The following MGARP variants were observed in gnomAD, a reference collection of about 807,000 sequenced individuals.
MGARP encodes the protein protein MGARP.
In MGARP, 12 loss-of-function variants were observed where a neutral mutation model predicts 11.0. The observed-to-expected ratio is 1.09, with a 90% confidence interval of 0.70 to 1.77. MGARP has a LOEUF of 1.77. MGARP is among the 40% of genes most tolerant of loss of function. MGARP has a pLI of 0.00. For missense variants in MGARP, 283 were observed against 297.8 expected, an observed-to-expected ratio of 0.95 and a Z score of 0.36; for synonymous variants, 110 against 115.4, an observed-to-expected ratio of 0.95 and a Z score of 0.30.
chr4:139,268,686 A>C lies in MGARP; in HGVS notation c.266T>G (p.Ile89Arg). ...TNLKEKTKAE[I>R]HPFQGEKENV... is the part of the protein sequence containing the mutation. ...AATTCATTTACCTTGAAATGGATGT[A>C]TCTCTGCTTTTGTTTTTTCTTTCAA... Residue 89 changes from isoleucine to arginine, a missense_variant, in exon 3 of 4, where the codon ATA becomes AGA. Transcript: ENST00000398955. 6.9e-6 allele frequency: 11 copies of C among 1,604,602 alleles called. No homozygotes were observed. The highest frequency in any genetic ancestry group is 1.3e-5 in the African/African-American group (1 of 74,798).
intron 2 of MGARP, among the ~76,000 whole-genome samples, chr4:139,274,483 T>A (rs1414184604): frequency 6.6e-6 from 1 of 152,012 alleles, no homozygotes; most frequent in African/African-American, 2.4e-5. Flanking sequence ...GTTATATTAA[T>A]TTTTTTAAAT....
intron 1 of MGARP, among the ~76,000 whole-genome samples, chr4:139,275,891 A>G (rs1408092001): frequency 6.6e-6 from 1 of 152,236 alleles, no homozygotes; most frequent in African/African-American, 2.4e-5. Context: ...ACATGTAGGT[A>G]TAGAAAGAAA....
chr4:139,272,951 A>C (rs954721359), intron 2 of MGARP, among the ~76,000 whole-genome samples: 5 of 152,184 alleles, frequency 3.3e-5, no homozygotes, highest in Admixed American at 2.6e-4. Context: ...CTCCCAAAGT[A>C]CTGGGTTTAC....
intron 1 of MGARP, 105 bp from the exon 2 acceptor site, chr4:139,275,497 T>C (rs1334600909): frequency 1.3e-6 from 1 of 797,966 alleles, no homozygotes; most frequent in Non-Finnish European, 2.0e-6. Flanking sequence ...CTAGAATCTA[T>C]TAACATCAAG....
intron 1 of MGARP, 103 bp from the exon 2 acceptor site, chr4:139,275,495 T>C: frequency 1.2e-6 from 1 of 806,904 alleles, no homozygotes; most frequent in East Asian, 2.7e-5. Flanking sequence ...ACCTAGAATC[T>C]ATTAACATCA....
chr4:139,278,758 G>GTA (rs559744048), intron 1 of MGARP, among the ~76,000 whole-genome samples: 16 of 151,932 alleles, frequency 1.1e-4, no homozygotes, highest in East Asian at 5.8e-4. Flanking sequence ...CTTCATCAGT[G>GTA]TATATATATA....
At chr4:139,272,646 C>G (rs988031739) in intron 2 of MGARP, among the ~76,000 whole-genome samples, 6 of 148,280 alleles carry the variant, frequency 4.0e-5, no homozygotes, top group Admixed American at 6.7e-5. Context: ...TCCTATGAAA[C>G]TGCTTCTAGT....
intron 1 of MGARP, 38 bp downstream of exon 1, chr4:139,280,039 C>G: frequency 1.2e-6 from 2 of 1,603,360 alleles, no homozygotes; most frequent in Non-Finnish European, 1.7e-6. Context: ...GCACCCGAGG[C>G]GCCCGTCCTC....
Position 139,266,649 on chromosome 4 carries a change from AATC to A in MGARP, c.670_672del (p.Asp224del). On this transcript the variant is annotated inframe_deletion, in exon 4 of 4. Transcript: ENST00000398955. The stretch of plus-strand genomic sequence containing the variant: ...GAGCCAACACTGGCTTCCTCCTGTA[AATC>A]ATCTCCAGCAGAGGACTCTGACTCA... 3.1e-6 allele frequency: 5 copies of A among 1,614,146 alleles called. No individual in the cohort carries two copies. Among genetic ancestry groups the A allele is most frequent in the Non-Finnish European group, 1.7e-6 (2 of 1,180,030 alleles).
intron 1 of MGARP, among the ~76,000 whole-genome samples, chr4:139,278,962 G>C (rs1000293754): frequency 2.0e-5 from 3 of 151,796 alleles, no homozygotes; most frequent in Admixed American, 2.0e-4. Flanking sequence ...CCTAATCAAC[G>C]TGAAAAAAAA....
chr4:139,277,912 A>G (rs551577273), intron 1 of MGARP, among the ~76,000 whole-genome samples: 2 of 152,262 alleles, frequency 1.3e-5, no homozygotes, highest in Admixed American at 1.3e-4. Flanking sequence ...TTATAAATCT[A>G]AATTATTTAT....
At chr4:139,276,372 A>G (rs1018957329) in intron 1 of MGARP, among the ~76,000 whole-genome samples, 1 of 152,222 alleles carries the variant, frequency 6.6e-6, no homozygotes, top group Non-Finnish European at 1.5e-5. Flanking sequence ...GTGTTAAGCC[A>G]AGCTACAGGC....
At chr4:139,276,760 G>A (rs1744881030) in intron 1 of MGARP, among the ~76,000 whole-genome samples, 1 of 152,096 alleles carries the variant, frequency 6.6e-6, no homozygotes, top group Non-Finnish European at 1.5e-5. Context: ...TGAGGCAGGA[G>A]GATCACTTGA....
At chr4:139,278,056 C>T (rs997674730) in intron 1 of MGARP, among the ~76,000 whole-genome samples, 1 of 152,004 alleles carries the variant, frequency 6.6e-6, no homozygotes, top group African/African-American at 2.4e-5. Flanking sequence ...GGAGAAACCC[C>T]ATCTCTACTA....
chr4:139,270,563 C>A (rs181473273), intron 2 of MGARP, among the ~76,000 whole-genome samples: 30 of 140,650 alleles, frequency 2.1e-4, no homozygotes, highest in African/African-American at 8.2e-4. Context: ...GAGCAGAGAT[C>A]GTACCACTGC....
intron 2 of MGARP, among the ~76,000 whole-genome samples, chr4:139,272,553 TC>T (rs1744800212): frequency 1.1e-5 from 1 of 94,076 alleles, no homozygotes; most frequent in African/African-American, 5.7e-5. Flanking sequence ...CGAGACTCTG[TC>T]CCCTCCCAAA....
chr4:139,278,698 C>T (rs543824016), intron 1 of MGARP, among the ~76,000 whole-genome samples: 2 of 152,252 alleles, frequency 1.3e-5, no homozygotes, highest in East Asian at 3.9e-4. Flanking sequence ...CCGTTCTCAA[C>T]AGAACAGTCC....
In MGARP at chr4:139,280,065, C is replaced by T; in HGVS notation, c.82+12G>A. ...GCCCGTCCTCCTCTCCGGGCTAGAC[C>T]TCCTTACTCACCGTCCTTTCCGAGC... On this transcript the variant is annotated intron_variant, in intron 1 of 3. Transcript: ENST00000398955. The T allele has an allele frequency of 6.2e-7, 1 of 1,612,008 alleles. No individual in the cohort carries two copies. The highest frequency in any genetic ancestry group is 1.1e-5 in the South Asian group (1 of 91,034).
rs752274846 is a variant in MGARP at position 139,266,910 on chromosome 4, C to G, written c.412G>C (p.Ala138Pro). The change falls in exon 4 of 4, where the codon GCC becomes CCC. Residue 138 changes from alanine (A) to proline (P), a missense_variant. By Grantham distance (27) the Ala-to-Pro change is conservative. Coordinates refer to ENST00000398955, the MANE Select transcript of MGARP (RefSeq NM_032623.4). ...GCAGCCTCCACGTGACCTGGACAGGCAGATGCCTCTTTTATGACCACAACT... is the reference window on the plus strand; with the variant it reads ...GCAGCCTCCACGTGACCTGGACAGGGAGATGCCTCTTTTATGACCACAACT... ...ATVVVIKEAS[A>P]CPGHVEAAPE... is the part of the protein sequence containing the mutation. The G allele has an allele frequency of 6.2e-7, 1 of 1,614,208 alleles. No individual in the cohort carries two copies. Among genetic ancestry groups the G allele is most frequent in the Non-Finnish European group, 8.5e-7 (1 of 1,180,040 alleles).
Sources: allele counts gnomAD v4.1 joint callset (sites outside exome capture counted in the v4.1 genomes callset), GRCh38; gene constraint gnomAD v4.1.1; transcripts MANE v1.5; gene names NCBI Gene and HGNC (gene_info 2026-07-23, HGNC 2026-07-21).